DEUP1: variants seen among roughly 807,000 people sequenced by gnomAD.
DEUP1 encodes the protein deuterosome assembly protein 1, also known as coiled-coil domain containing 67.
A neutral mutation model predicts 87.4 loss-of-function variants in DEUP1; 82 were observed. The ratio of observed to expected loss-of-function variants is 0.94; its 90% CI spans 0.78 to 1.13. DEUP1 has a LOEUF of 1.13. DEUP1 is among the 50% of genes most tolerant of loss of function. DEUP1 has a pLI of 0.00. For synonymous variants in DEUP1, 214 were observed against 222.7 expected, an observed-to-expected ratio of 0.96 and a Z score of 0.35; for missense variants, 663 against 681.5, an observed-to-expected ratio of 0.97 and a Z score of 0.30.
In DEUP1 at chr11:93,437,872, T is replaced by C. The variant is rs998378605; in HGVS notation, c.*153T>C. The C allele has an allele frequency of 2.5e-5, 14 of 562,674 alleles. No individual in the cohort carries two copies. Among genetic ancestry groups the C allele is most frequent in the African/African-American group, 2.5e-4 (13 of 52,832 alleles). 34.9% of individuals were successfully genotyped at this position (562,674 alleles called of 1,614,324 possible). On this transcript the variant is annotated 3_prime_UTR_variant, in exon 14 of 14. Transcript: ENST00000298050. ...CGTAAGGCAGCTAGAAAATAGTAAG[T>C]ATTTTGTTCTATAAAGCTGTTCACA...
In DEUP1 at chr11:93,357,035, A is replaced by G. The variant is rs1413737104; in HGVS notation, c.289A>G (p.Lys97Glu). 3 of 1,561,088 alleles carry G rather than the reference A, an allele frequency of 1.9e-6. No homozygotes were observed. Among genetic ancestry groups the G allele is most frequent in the Non-Finnish European group, 1.7e-6 (2 of 1,150,472 alleles). The change falls in exon 4 of 14, where the codon AAG becomes GAG. Residue 97 changes from lysine to glutamate, a missense_variant. By Grantham distance (56) the Lys-to-Glu change is moderately conservative (BLOSUM62 1). Transcript: ENST00000298050. ...TTATGAAGGACAACTACAAAGCCTA[A>G]AGGCTCAAGTAAGAAAACTTATTAT... ...QNYEGQLQSL[K>E]AQFSKLTNNF...
chr11:93,376,551 T>G (rs1416071981), intron 7 of DEUP1, among the ~76,000 whole-genome samples: 1 of 152,202 alleles, frequency 6.6e-6, no homozygotes, highest in African/African-American at 2.4e-5. Flanking sequence ...ATTGATTTCA[T>G]TCACCTTTTC....
intron 13 of DEUP1, among the ~76,000 whole-genome samples, chr11:93,420,062 T>G (rs1947820847): frequency 2.6e-5 from 4 of 152,142 alleles, no homozygotes; most frequent in Admixed American, 1.3e-4. Flanking sequence ...TAACTCATTT[T>G]ATGAGGCCAG....
chr11:93,351,723 T>A (rs1322744723), intron 2 of DEUP1, among the ~76,000 whole-genome samples: 1 of 152,238 alleles, frequency 6.6e-6, no homozygotes, highest in Non-Finnish European at 1.5e-5. Flanking sequence ...CCTCTGGGCC[T>A]AACATTCCTC....
intron 12 of DEUP1, among the ~76,000 whole-genome samples, chr11:93,412,684 T>C (rs556404234): frequency 2.6e-5 from 4 of 152,308 alleles, no homozygotes; most frequent in African/African-American, 9.6e-5. Context: ...CAGAGAGATA[T>C]ATACTTCTTG....
At chr11:93,423,744 G>T (rs1947898186) in intron 13 of DEUP1, among the ~76,000 whole-genome samples, 1 of 50,350 alleles carries the variant, frequency 2.0e-5, no homozygotes. Context: ...ATGACTACTG[G>T]GTACATAACG....
intron 9 of DEUP1, 73 bp from the exon 10 acceptor site, chr11:93,394,386 A>T: frequency 8.9e-7 from 1 of 1,123,770 alleles, no homozygotes; most frequent in Non-Finnish European, 1.2e-6. Flanking sequence ...AGGACTGAAC[A>T]TGGCCAGTAA....
chr11:93,406,383 G>T (rs1431957866), intron 11 of DEUP1, among the ~76,000 whole-genome samples: 1 of 151,840 alleles, frequency 6.6e-6, no homozygotes, highest in African/African-American at 2.4e-5. Context: ...TCCAACAGTG[G>T]AGAATAGATA....
At chr11:93,351,011 A>T (rs1944601791) in intron 2 of DEUP1, among the ~76,000 whole-genome samples, 1 of 148,138 alleles carries the variant, frequency 6.8e-6, no homozygotes, top group African/African-American at 2.5e-5. Context: ...TTTTCATATA[A>T]AAATGTATTT....
chr11:93,333,535 A>G (rs1943593499), intron 2 of DEUP1, among the ~76,000 whole-genome samples: 1 of 152,238 alleles, frequency 6.6e-6, no homozygotes, highest in African/African-American at 2.4e-5. Flanking sequence ...AGTTACAACT[A>G]GCAGCAAGAA....
chr11:93,430,088 A>T (rs1591276768), intron 13 of DEUP1, among the ~76,000 whole-genome samples: 1 of 152,176 alleles, frequency 6.6e-6, no homozygotes, highest in East Asian at 1.9e-4. Context: ...TGTTGTCTTG[A>T]TACTCTTATG....
intron 12 of DEUP1, among the ~76,000 whole-genome samples, chr11:93,413,850 C>T (rs1052505322): frequency 6.6e-6 from 1 of 152,070 alleles, no homozygotes; most frequent in Non-Finnish European, 1.5e-5. Context: ...ACATCACTTC[C>T]TAGCAATTTA....
At position 93,370,170 on chromosome 11, in the gene DEUP1, AG is replaced by A. The variant is rs1945644824; in HGVS notation, c.531del (p.Lys177AsnfsTer16). 2 of 1,549,686 alleles carry A rather than the reference AG, an allele frequency of 1.3e-6. No homozygotes were observed. The highest frequency in any genetic ancestry group is 1.8e-6 in the Non-Finnish European group (2 of 1,126,424). ...LDAQQKLLSE[K>X]CNQFQKQAQS... ...GCTCAACAAAAATTATTATCTGAGA[AG>A]TGTAATCAGTTTCAGGTAAGTTATC... On this transcript the variant is annotated frameshift_variant, in exon 6 of 14. Transcript: ENST00000298050. LOFTEE classifies it high-confidence loss of function.
chr11:93,392,579 GA>G (rs1201582618), intron 9 of DEUP1, among the ~76,000 whole-genome samples: 2 of 152,022 alleles, frequency 1.3e-5, no homozygotes, highest in African/African-American at 4.8e-5. Flanking sequence ...ATATTTTTGA[GA>G]CAAGCTTAAA....
At chr11:93,366,018 A>G (rs186591385) in intron 5 of DEUP1, among the ~76,000 whole-genome samples, 76 of 152,348 alleles carry the variant, frequency 5.0e-4, no homozygotes, top group Non-Finnish European at 1.0e-3. Context: ...TGTTTGCCTC[A>G]CCAAGATTCC....
At chr11:93,373,137 C>A (rs951305503) in intron 7 of DEUP1, among the ~76,000 whole-genome samples, 8 of 152,196 alleles carry the variant, frequency 5.3e-5, no homozygotes, top group Non-Finnish European at 1.0e-4. Context: ...AATTGTTGTT[C>A]TTGGTACTTC....
chr11:93,346,289 T>C (rs1944346228), intron 2 of DEUP1, among the ~76,000 whole-genome samples: 2 of 152,114 alleles, frequency 1.3e-5, no homozygotes, highest in Admixed American at 1.3e-4. Context: ...CAGGGCACAA[T>C]CTTGGCTCAC....
intron 9 of DEUP1, among the ~76,000 whole-genome samples, chr11:93,389,959 T>A (rs1307658375): frequency 6.6e-6 from 1 of 152,234 alleles, no homozygotes; most frequent in Admixed American, 6.5e-5. Context: ...TCCTGGGCAC[T>A]GTCCTTAAAG....
At chr11:93,375,858 T>C (rs1421678622) in intron 7 of DEUP1, among the ~76,000 whole-genome samples, 1 of 152,204 alleles carries the variant, frequency 6.6e-6, no homozygotes, top group Non-Finnish European at 1.5e-5. Flanking sequence ...TCAGTAAAAT[T>C]GGTACCAATT....
Sources: gnomAD v4.1 joint callset for allele counts (sites outside exome capture counted in the v4.1 genomes callset) on GRCh38, gnomAD v4.1.1 for gene constraint, MANE v1.5 for transcripts, NCBI Gene and HGNC (gene_info 2026-07-23, HGNC 2026-07-21) for gene names.